CSMD1: variants seen among roughly 807,000 people sequenced by gnomAD.
CSMD1 encodes the protein CUB and Sushi multiple domains 1, also known as CUB and sushi domain-containing protein 1.
CSMD1 carries 213 observed loss-of-function variants against 417.5 expected under a neutral mutation model. That is an observed-to-expected ratio of 0.51 (90% CI 0.46 to 0.57). CSMD1 has a LOEUF of 0.57. Among genes scored for constraint, CSMD1 ranks in the 20% least tolerant of loss-of-function variants. CSMD1 has a pLI of 0.00. For synonymous variants in CSMD1, 2,862 were observed against 1,736.8 expected (o/e 1.65, Z -16.11); for missense variants, 6,923 against 4,529.7 (o/e 1.53, Z -15.17).
chr8:3,213,667 G>A (rs1243609714), intron 30 of CSMD1, among the ~76,000 whole-genome samples: 1 of 148,092 alleles, frequency 6.8e-6, no homozygotes, highest in African/African-American at 2.6e-5. Flanking sequence ...ATAAATAGGT[G>A]TAAATATATA....
intron 7 of CSMD1, among the ~76,000 whole-genome samples, chr8:3,637,638 A>C (rs147059057): frequency 2.3e-3 from 349 of 152,298 alleles, no homozygotes; most frequent in Middle Eastern, 0.01. Flanking sequence ...GCACTATTAA[A>C]GTCTATGATT....
intron 18 of CSMD1, among the ~76,000 whole-genome samples, chr8:3,375,899 C>A (rs982163913): frequency 2.0e-5 from 3 of 152,288 alleles, no homozygotes; most frequent in Admixed American, 6.5e-5. Flanking sequence ...ATAACCATTT[C>A]TTCACGTTGA....
At chr8:3,161,637 A>AC (rs1186094704) in intron 38 of CSMD1, among the ~76,000 whole-genome samples, 2 of 151,854 alleles carry the variant, frequency 1.3e-5, no homozygotes, top group Non-Finnish European at 2.9e-5. Flanking sequence ...AAAAAAAAAA[A>AC]AAAAAAAACC....
chr8:3,691,063 C>G (rs1381880114), intron 7 of CSMD1, among the ~76,000 whole-genome samples: 1 of 151,982 alleles, frequency 6.6e-6, no homozygotes, highest in Non-Finnish European at 1.5e-5. Context: ...TGGCGACATC[C>G]TCTAGCAAAA....
At chr8:4,382,275 G>T (rs968159517) in intron 3 of CSMD1, among the ~76,000 whole-genome samples, 1 of 152,074 alleles carries the variant, frequency 6.6e-6, no homozygotes, top group Non-Finnish European at 1.5e-5. Flanking sequence ...GACAGCACTG[G>T]GGCTTATTGA....
At chr8:3,256,966 GAAAAT>G (rs1563193632) in intron 26 of CSMD1, among the ~76,000 whole-genome samples, 2 of 152,150 alleles carry the variant, frequency 1.3e-5, no homozygotes, top group Admixed American at 1.3e-4. Flanking sequence ...ATTGAGAAGA[GAAAAT>G]AAAATATTTG....
intron 2 of CSMD1, among the ~76,000 whole-genome samples, chr8:4,557,422 C>A (rs1798143994): frequency 1.3e-5 from 2 of 149,526 alleles, no homozygotes; most frequent in Admixed American, 1.3e-4. Context: ...ATCTGAAAAT[C>A]TGCGAGGTTT....
intron 5 of CSMD1, among the ~76,000 whole-genome samples, chr8:3,866,687 G>A (rs1355103590): frequency 1.3e-5 from 2 of 151,768 alleles, no homozygotes; most frequent in African/African-American, 2.4e-5. Flanking sequence ...AGATACAGCT[G>A]TTCTCAAAGC....
intron 46 of CSMD1, among the ~76,000 whole-genome samples, chr8:3,101,501 C>G (rs184160410): frequency 6.6e-6 from 1 of 152,314 alleles, no homozygotes; most frequent in East Asian, 1.9e-4. Context: ...CAGCTCACTG[C>G]AAGCTCCACC....
intron 1 of CSMD1, among the ~76,000 whole-genome samples, chr8:4,641,134 G>C (rs916538769): frequency 1.3e-5 from 2 of 151,094 alleles, no homozygotes; most frequent in African/African-American, 4.9e-5. Context: ...ATCTGTAATT[G>C]CATGGATACC....
chr8:4,079,652 TTC>T (rs1395668925), intron 3 of CSMD1, among the ~76,000 whole-genome samples: 6 of 152,234 alleles, frequency 3.9e-5, no homozygotes, highest in African/African-American at 1.4e-4. Context: ...GACACATTGT[TTC>T]AGCGTTCTTG....
At chr8:4,759,197 C>G (rs960694399) in intron 1 of CSMD1, among the ~76,000 whole-genome samples, 2 of 152,178 alleles carry the variant, frequency 1.3e-5, no homozygotes, top group Non-Finnish European at 1.5e-5. Context: ...GTTGTCTTGA[C>G]TTGAGGCCAG....
At chr8:3,708,387 C>A (rs1272255885) in intron 7 of CSMD1, 27 bp downstream of exon 7, 1 of 1,602,312 alleles carries the variant, frequency 6.2e-7, no homozygotes, top group Non-Finnish European at 8.6e-7. Context: ...GCGTATCAAT[C>A]CTCAGATAGA....
chr8:3,796,289 G>GAT (rs1554440626), intron 5 of CSMD1, among the ~76,000 whole-genome samples: 1 of 46,052 alleles, frequency 2.2e-5, no homozygotes, highest in South Asian at 7.4e-4. Context: ...ATCATGTATA[G>GAT]ATATATCTAT....
At chr8:4,833,225 G>C (rs1036926666) in intron 1 of CSMD1, among the ~76,000 whole-genome samples, 2 of 152,172 alleles carry the variant, frequency 1.3e-5, no homozygotes, top group Non-Finnish European at 1.5e-5. Flanking sequence ...TGGATTAACT[G>C]ACTCACAATT....
rs536594751 is a variant in CSMD1, at chr8:4,143,273, A to C, written c.416-111174T>G. On this transcript the variant is annotated intron_variant, in intron 3 of 69. Transcript: ENST00000635120. ...TATCTTTTTCCATTTGTCCTCAAAG[A>C]AATTTCTCCTTCAGGCCACAGCTTT... Among the ~76,000 whole-genome samples the C allele has an allele frequency of 7.6e-4, 115 of 151,236 alleles. 1 individual carries two copies. Among genetic ancestry groups the C allele is most frequent in the Admixed American group, 1.9e-3 (29 of 15,252 alleles).
At chr8:4,629,620 G>A (rs1485072551) in intron 2 of CSMD1, among the ~76,000 whole-genome samples, 1 of 151,972 alleles carries the variant, frequency 6.6e-6, no homozygotes, top group Non-Finnish European at 1.5e-5. Context: ...AGTTTTATAT[G>A]TGATTTCTAA....
intron 23 of CSMD1, among the ~76,000 whole-genome samples, chr8:3,340,100 C>T (rs1332643001): frequency 2.6e-5 from 4 of 152,110 alleles, no homozygotes; most frequent in Non-Finnish European, 5.9e-5. Context: ...TACTTGATGC[C>T]TGCCAAATGA....
intron 1 of CSMD1, among the ~76,000 whole-genome samples, chr8:4,798,319 T>C (rs1004492984): frequency 2.6e-5 from 4 of 152,226 alleles, no homozygotes; most frequent in Non-Finnish European, 5.9e-5. Flanking sequence ...GCTTCATCCA[T>C]GTCCCTACAA....
Sources: allele counts gnomAD v4.1 joint callset (sites outside exome capture counted in the v4.1 genomes callset), GRCh38; gene constraint gnomAD v4.1.1; transcripts MANE v1.5; gene names NCBI Gene and HGNC (gene_info 2026-07-23, HGNC 2026-07-21).